The following DOCK11 variants were observed in gnomAD, a reference collection of about 807,000 sequenced individuals.
DOCK11 encodes the protein dedicator of cytokinesis 11.
Under a neutral mutation model 169.1 loss-of-function variants are expected in DOCK11, and 70 were observed. That is an observed-to-expected ratio of 0.41 (90% CI 0.34 to 0.51). DOCK11 has a LOEUF of 0.51. Ranked by LOEUF, DOCK11 falls within the 20% of genes least tolerant of loss-of-function variation. The pLI is 0.10. For missense variants in DOCK11, 1,166 were observed against 1,538.8 expected (o/e 0.76, Z 4.05); for synonymous variants, 529 against 541.3 (o/e 0.98, Z 0.32).
At chrX:118,559,680 TCGAGACCA>T (rs1156345130) in intron 6 of DOCK11, among the ~76,000 whole-genome samples, 1 of 110,172 alleles carries the variant, frequency 9.1e-6, no homozygotes, top group Non-Finnish European at 1.9e-5. Flanking sequence ...GCTCAGGAGT[TCGAGACCA>T]GCATGGGCAA....
intron 52 of DOCK11, among the ~76,000 whole-genome samples, chrX:118,684,565 C>T (rs1163467187): frequency 9.0e-6 from 1 of 111,156 alleles, no homozygotes; most frequent in African/African-American, 3.3e-5. Context: ...TGAGCCACCA[C>T]GCCTGGCTGC....
intron 6 of DOCK11, among the ~76,000 whole-genome samples, chrX:118,559,583 G>A (rs1459204151): frequency 1.8e-5 from 2 of 110,790 alleles, no homozygotes; most frequent in Admixed American, 2.0e-4. Flanking sequence ...ATTTTAATGA[G>A]AGATGTGAAC....
intron 41 of DOCK11, among the ~76,000 whole-genome samples, chrX:118,649,807 G>A (rs953838907): frequency 9.0e-6 from 1 of 111,470 alleles, no homozygotes; most frequent in African/African-American, 3.3e-5. Flanking sequence ...GAGCCACCGT[G>A]CCCAGTCTCT....
intron 1 of DOCK11, among the ~76,000 whole-genome samples, chrX:118,498,886 C>G (rs1201145529): frequency 4.5e-5 from 5 of 111,167 alleles, no homozygotes; most frequent in Non-Finnish European, 9.4e-5. Flanking sequence ...CATGTTGTTG[C>G]GTATTCAAAC....
chrX:118,582,683 T>C (rs887763372), intron 14 of DOCK11, among the ~76,000 whole-genome samples: 1 of 111,686 alleles, frequency 9.0e-6, no homozygotes, highest in Non-Finnish European at 1.9e-5. Flanking sequence ...GAATAAAAGC[T>C]CATCATCACT....
chrX:118,647,796 A>AATATATAATAATATATAATATATTATAAT lies in DOCK11; in HGVS notation c.4399-1132_4399-1131insATATATTATAATATATATAATAATATATA, dbSNP rs1569440712. On this transcript the variant is annotated intron_variant, in intron 40 of 52. Transcript: ENST00000276202. ...TATATAATAATATATAATATATTAT[A>AATATATAATAATATATAATATATTATAAT]ATATATAATAATATATATTATATTA... Among the ~76,000 whole-genome samples the AATATATAATAATATATAATATATTATAAT allele has an allele frequency of 1.9e-3, 79 of 40,883 alleles. 1 individual carries two copies. Among genetic ancestry groups the AATATATAATAATATATAATATATTATAAT allele is most frequent in the African/African-American group, 7.2e-3 (70 of 9,700 alleles). The allele number at this position is 40,883 out of a possible 115,157, so 35.5% of individuals were successfully genotyped here.
intron 28 of DOCK11, 148 bp downstream of exon 28, chrX:118,610,566 G>C: frequency 1.7e-6 from 1 of 571,530 alleles, no homozygotes; most frequent in African/African-American, 2.3e-5. Context: ...TGGCTATTGT[G>C]AACAGTGCTG....
chrX:118,683,245 A>C (rs2016784404), intron 52 of DOCK11, 28 bp downstream of exon 52: 1 of 1,184,299 alleles, frequency 8.4e-7, no homozygotes, highest in Admixed American at 2.4e-5. Flanking sequence ...TAAAACTGAA[A>C]ACATGATCTG....
chrX:118,645,174 A>T (rs1311327221), intron 40 of DOCK11, among the ~76,000 whole-genome samples: 1 of 111,502 alleles, frequency 9.0e-6, no homozygotes, highest in African/African-American at 3.3e-5. Context: ...CCTTTGGGAC[A>T]TTAGGATATA....
At chrX:118,532,528 C>A (rs1187606621) in intron 1 of DOCK11, among the ~76,000 whole-genome samples, 1 of 109,123 alleles carries the variant, frequency 9.2e-6, no homozygotes, top group Non-Finnish European at 1.9e-5. Context: ...CACCTGTAAT[C>A]CCAGCACTTT....
chrX:118,536,088 A>G (rs1006442425), intron 1 of DOCK11, among the ~76,000 whole-genome samples: 13 of 111,561 alleles, frequency 1.2e-4, no homozygotes, highest in African/African-American at 3.6e-4. Context: ...ACTTGACCTC[A>G]GGAGTTTGAG....
intron 1 of DOCK11, among the ~76,000 whole-genome samples, chrX:118,523,658 C>T (rs1042537492): frequency 8.9e-6 from 1 of 112,192 alleles, no homozygotes; most frequent in Non-Finnish European, 1.9e-5. Context: ...ACATAAGCTA[C>T]TGAGACACAG....
chrX:118,564,304 C>T (rs1016682404), intron 7 of DOCK11, among the ~76,000 whole-genome samples: 1 of 112,923 alleles, frequency 8.9e-6, no homozygotes, highest in Non-Finnish European at 1.9e-5. Flanking sequence ...AGTTTAATTT[C>T]ATCCTTTCGT....
intron 31 of DOCK11, among the ~76,000 whole-genome samples, chrX:118,621,187 T>A (rs1440624414): frequency 8.9e-6 from 1 of 112,591 alleles, no homozygotes; most frequent in African/African-American, 3.2e-5. Flanking sequence ...AGAGGCTTCA[T>A]ACAGGCATTA....
At chrX:118,623,377 C>T (rs1056296245) in intron 31 of DOCK11, among the ~76,000 whole-genome samples, 1 of 112,599 alleles carries the variant, frequency 8.9e-6, no homozygotes, top group African/African-American at 3.2e-5. Flanking sequence ...AGATAAAGGA[C>T]CTTCCTAATA....
At chrX:118,539,503 T>G (rs1046811713) in intron 1 of DOCK11, among the ~76,000 whole-genome samples, 1 of 111,284 alleles carries the variant, frequency 9.0e-6, no homozygotes, top group Non-Finnish European at 1.9e-5. Context: ...TAAGTTTGGT[T>G]TTTTTGAGAT....
chrX:118,536,938 C>G (rs2011780405), intron 1 of DOCK11, among the ~76,000 whole-genome samples: 1 of 111,460 alleles, frequency 9.0e-6, no homozygotes, highest in African/African-American at 3.3e-5. Context: ...ACTCTAGGCT[C>G]TGCTTACAAA....
rs759649314 is a variant in DOCK11, at chrX:118,670,979, T to G, written c.5077-44T>G. ...TTCAAAATTTATTTGTCCAAAACTC[T>G]AAAACTATTTTTAATTCCTAATTGG... On this transcript the variant is annotated intron_variant, in intron 45 of 52. Transcript: ENST00000276202. The G allele has an allele frequency of 2.6e-6, 3 of 1,139,649 alleles. No homozygotes were observed. The African/African-American group carries it at 5.4e-5, about 21-fold the overall frequency. The allele number at this position is 1,139,649 out of a possible 1,213,427, so 93.9% of individuals were successfully genotyped here. A position where few individuals can be genotyped will look rare whatever the true frequency, so the allele number is the denominator to read the frequency against.
chrX:118,532,977 G>A (rs990504083), intron 1 of DOCK11, among the ~76,000 whole-genome samples: 3 of 110,533 alleles, frequency 2.7e-5, no homozygotes, highest in African/African-American at 6.6e-5. Flanking sequence ...TTATTTATTT[G>A]TTTGTTTGTT....
Sources: allele counts gnomAD v4.1 joint callset (sites outside exome capture counted in the v4.1 genomes callset), GRCh38; gene constraint gnomAD v4.1.1; transcripts MANE v1.5; gene names NCBI Gene and HGNC (gene_info 2026-07-23, HGNC 2026-07-21).